The following CSMD1 variants were observed in gnomAD, a reference collection of about 807,000 sequenced individuals.
The protein encoded by CSMD1 is CUB and sushi domain-containing protein 1.
In CSMD1, 213 loss-of-function variants were observed where a neutral mutation model predicts 417.5. That is an observed-to-expected ratio of 0.51 (90% CI 0.46 to 0.57). CSMD1 has a LOEUF of 0.57. Ranked by LOEUF, CSMD1 falls within the 20% of genes least tolerant of loss-of-function variation. CSMD1 has a pLI of 0.00. For synonymous variants in CSMD1, 2,862 were observed against 1,736.8 expected (o/e 1.65, Z -16.11); for missense variants, 6,923 against 4,529.7 (o/e 1.53, Z -15.17).
intron 3 of CSMD1, among the ~76,000 whole-genome samples, chr8:4,388,532 G>A (rs943435259): frequency 2.0e-5 from 3 of 151,380 alleles, no homozygotes; most frequent in African/African-American, 7.3e-5. Context: ...GAAGGATACA[G>A]TGGATTTTGG....
At chr8:3,037,293 C>CCTCCTGGGTTCGCTCCAT (rs1563264490) in intron 50 of CSMD1, among the ~76,000 whole-genome samples, 1 of 145,604 alleles carries the variant, frequency 6.9e-6, no homozygotes, top group Non-Finnish European at 1.5e-5. Flanking sequence ...GCAAGCTCCG[C>CCTCCTGGGTTCGCTCCAT]CTCCTGGGTT....
chr8:3,137,656 C>G (rs1461300548), intron 41 of CSMD1, among the ~76,000 whole-genome samples: 3 of 152,220 alleles, frequency 2.0e-5, no homozygotes, highest in Non-Finnish European at 4.4e-5. Flanking sequence ...TTGAAGCCAT[C>G]TCTAAATTTC....
chr8:4,755,621 G>A lies in CSMD1; in HGVS notation c.86-118063C>T, dbSNP rs142637359. 6.8e-4 allele frequency among the ~76,000 whole-genome samples: 104 copies of A among 152,092 alleles called. 1 individual carries two copies. The highest frequency in any genetic ancestry group is 2.5e-3 in the African/African-American group (102 of 41,466). ...ATCAGATGGAAAGTTACTTTTCATCGTCTCCAGCCCCCAGAATCTGCCAAA... is the reference window on the plus strand; with the variant it reads ...ATCAGATGGAAAGTTACTTTTCATCATCTCCAGCCCCCAGAATCTGCCAAA... On this transcript the variant is annotated intron_variant, in intron 1 of 69. Coordinates refer to ENST00000635120, the MANE Select transcript of CSMD1 (RefSeq NM_033225.6).
intron 3 of CSMD1, among the ~76,000 whole-genome samples, chr8:4,198,978 T>C (rs547855952): frequency 6.6e-6 from 1 of 152,218 alleles, no homozygotes; most frequent in Non-Finnish European, 1.5e-5. Flanking sequence ...TGTTGCTCAT[T>C]TCCTCCTGTA....
chr8:3,307,817 T>A lies in CSMD1; in HGVS notation c.3828A>T (p.Glu1276Asp), dbSNP rs752383274. ...TGGCTGCATGGATCTGACCACCACA[T>A]TCCGCTGTAGAAGACACAGAGAGAT... Reference protein sequence around the residue: ...WDKPLPSCIAECGGQIHAATS... With the variant: ...WDKPLPSCIADCGGQIHAATS... Residue 1276 changes from glutamate (E) to aspartate (D), a missense_variant, in exon 25 of 70, where the codon GAA becomes GAT. Glu to Asp is a conservative substitution (Grantham distance 45). Coordinates refer to ENST00000635120, the MANE Select transcript of CSMD1 (RefSeq NM_033225.6). The A allele has an allele frequency of 7.4e-6, 12 of 1,612,270 alleles. No homozygotes were observed. Among genetic ancestry groups the A allele is most frequent in the South Asian group, 1.1e-5 (1 of 90,712 alleles).
chr8:4,238,163 C>G (rs915067205), intron 3 of CSMD1, among the ~76,000 whole-genome samples: 6 of 152,214 alleles, frequency 3.9e-5, no homozygotes, highest in Non-Finnish European at 1.5e-5. Context: ...CCTGGAATCC[C>G]AAAGGACATC....
At chr8:4,637,596 T>G (rs1419182228) in intron 1 of CSMD1, 38 bp from the exon 2 acceptor site, 2 of 1,331,270 alleles carry the variant, frequency 1.5e-6, no homozygotes, top group South Asian at 1.3e-5. Flanking sequence ...CATATTATTC[T>G]GGCCATCTTT....
At chr8:3,441,510 T>TATATATATATATATATATATACAC (rs1369666489) in intron 12 of CSMD1, among the ~76,000 whole-genome samples, 1 of 147,044 alleles carries the variant, frequency 6.8e-6, no homozygotes, top group African/African-American at 2.5e-5. Flanking sequence ...TATATATATA[T>TATATATATATATATATATATACAC]ACACACACAC....
chr8:3,797,416 C>A (rs1390403676), intron 5 of CSMD1, among the ~76,000 whole-genome samples: 1 of 151,894 alleles, frequency 6.6e-6, no homozygotes, highest in Non-Finnish European at 1.5e-5. Flanking sequence ...TTTCATTTTT[C>A]CTCTTACATT....
At chr8:4,574,048 G>C (rs910010765) in intron 2 of CSMD1, among the ~76,000 whole-genome samples, 1 of 152,142 alleles carries the variant, frequency 6.6e-6, no homozygotes, top group African/African-American at 2.4e-5. Flanking sequence ...GTGAATCTTA[G>C]CTTGCTGGAC....
At chr8:4,848,736 G>C (rs1281804369) in intron 1 of CSMD1, among the ~76,000 whole-genome samples, 1 of 152,056 alleles carries the variant, frequency 6.6e-6, no homozygotes, top group East Asian at 1.9e-4. Context: ...TAGGGACTGG[G>C]TTTCACCATG....
At chr8:3,634,136 T>C (rs1370094251) in intron 7 of CSMD1, among the ~76,000 whole-genome samples, 1 of 152,186 alleles carries the variant, frequency 6.6e-6, no homozygotes, top group East Asian at 1.9e-4. Context: ...TGCTGGGAAG[T>C]AGCCTCTAAA....
intron 11 of CSMD1, among the ~76,000 whole-genome samples, chr8:3,477,165 A>G (rs1002215261): frequency 1.5e-4 from 23 of 152,220 alleles, no homozygotes; most frequent in African/African-American, 5.5e-4. Flanking sequence ...ATGTGTCACG[A>G]AGCTGTCAAA....
intron 7 of CSMD1, among the ~76,000 whole-genome samples, chr8:3,695,425 A>G (rs925329768): frequency 1.7e-4 from 26 of 152,144 alleles, no homozygotes; most frequent in South Asian, 2.1e-4. Flanking sequence ...CACTCCAATT[A>G]ATCCTCTTGG....
intron 5 of CSMD1, among the ~76,000 whole-genome samples, chr8:3,957,276 CAT>C (rs1234746141): frequency 1.3e-5 from 2 of 152,162 alleles, no homozygotes; most frequent in African/African-American, 4.8e-5. Flanking sequence ...AGTGGGGATA[CAT>C]GTACTTTTGT....
At chr8:4,458,068 C>A (rs796825493) in intron 2 of CSMD1, among the ~76,000 whole-genome samples, 5 of 152,272 alleles carry the variant, frequency 3.3e-5, no homozygotes, top group African/African-American at 1.2e-4. Flanking sequence ...GGTACACAAT[C>A]CTTCATGTTT....
rs1051602538 is a variant in CSMD1, at chr8:4,142,990, T to TG, written c.416-110892dup. 4.1e-5 allele frequency among the ~76,000 whole-genome samples: 5 copies of TG among 121,992 alleles called. No individual in the cohort carries two copies. The East Asian group carries it at 1.2e-3, about 29-fold the overall frequency. The allele number at this position is 121,992 out of a possible 152,430, so 80.0% of individuals were successfully genotyped here. A position where few individuals can be genotyped will look rare whatever the true frequency, so the allele number is the denominator to read the frequency against. On this transcript the variant is annotated intron_variant, in intron 3 of 69. Coordinates refer to ENST00000635120, the MANE Select transcript of CSMD1 (RefSeq NM_033225.6). ...TCAGATGCTTAGTTTTCAAACTGATTGAAAAAAAAAAAATGCTCTCCATTT... is the reference window on the plus strand; with the variant it reads ...TCAGATGCTTAGTTTTCAAACTGATTGGAAAAAAAAAAAATGCTCTCCATTT...
At chr8:4,347,800 AT>A (rs1800858950) in intron 3 of CSMD1, among the ~76,000 whole-genome samples, 2 of 152,140 alleles carry the variant, frequency 1.3e-5, no homozygotes, top group African/African-American at 4.8e-5. Flanking sequence ...AATAAAATCT[AT>A]AATCACTTAA....
At chr8:3,044,054 T>C (rs1005547203) in intron 50 of CSMD1, among the ~76,000 whole-genome samples, 2 of 152,360 alleles carry the variant, frequency 1.3e-5, no homozygotes, top group Non-Finnish European at 1.5e-5. Context: ...TTTATTTCTC[T>C]GGTGTACCAC....
Sources: allele counts gnomAD v4.1 joint callset (sites outside exome capture counted in the v4.1 genomes callset), GRCh38; gene constraint gnomAD v4.1.1; transcripts MANE v1.5; gene names NCBI Gene and HGNC (gene_info 2026-07-23, HGNC 2026-07-21).